The following CDK12 variants were observed in gnomAD, a reference collection of about 807,000 sequenced individuals.
CDK12 encodes cyclin-dependent kinase 12.
A neutral mutation model predicts 133.8 loss-of-function variants in CDK12; 17 were observed. The observed-to-expected ratio is 0.13, with a 90% CI of 0.09 to 0.19. The LOEUF is 0.19. Among genes scored for constraint, CDK12 ranks in the 10% least tolerant of loss-of-function variants. The probability of loss-of-function intolerance (pLI) is 1.00; values close to 1 mark genes in which losing one functional copy is unlikely to be tolerated. For missense variants in CDK12, 1,508 were observed against 1,818.7 expected (o/e 0.83, Z 3.11); for synonymous variants, 694 against 683.6 (o/e 1.02, Z -0.24).
At chr17:39,480,504 C>T (rs760479098) in intron 2 of CDK12, among the ~76,000 whole-genome samples, 3 of 151,760 alleles carry the variant, frequency 2.0e-5, no homozygotes, top group South Asian at 2.1e-4. Context: ...TGCAATGGTG[C>T]GATCTCAGCT....
At chr17:39,520,221 G>GT (rs1263184495) in intron 11 of CDK12, 134 bp downstream of exon 11, 97 of 819,282 alleles carry the variant, frequency 1.2e-4, no homozygotes, top group South Asian at 1.7e-4. Context: ...GTTGAGGTTT[G>GT]TTTTTTTTGT....
intron 3 of CDK12, among the ~76,000 whole-genome samples, chr17:39,563,266 T>C (rs946297617): frequency 1.3e-5 from 2 of 151,854 alleles, no homozygotes; most frequent in Admixed American, 6.6e-5. Flanking sequence ...AGAGTGTGTG[T>C]GTGTAAGCGA....
rs140486011 is a variant in CDK12, at chr17:39,517,442, G to A, written c.2849G>A (p.Arg950Gln). The change falls in exon 10 of 14, where the codon CGA (arginine) becomes CAA (glutamine). Residue 950 changes from arginine to glutamine, a missense_variant and splice_region_variant. Physicochemically the swap from Arg to Gln is conservative, Grantham distance 43. This residue lies in a region of CDK12 where 82 missense variants were observed against 201.5 expected (regional missense o/e 0.41). Transcript: ENST00000447079. Reference sequence around the variant, plus strand: ...TCTTGCTTTTGCTTTGTTTTCAGCCGACTTTGTGGTAGCCCTTGTCCAGCT... The same window carrying A: ...TCTTGCTTTTGCTTTGTTTTCAGCCAACTTTGTGGTAGCCCTTGTCCAGCT... ...LELAQLELIS[R>Q]LCGSPCPAVW... 3 of 1,600,058 alleles carry A rather than the reference G, an allele frequency of 1.9e-6. No homozygotes were observed. The highest frequency in any genetic ancestry group is 2.7e-5 in the African/African-American group (2 of 74,482).
At chr17:39,493,927 C>T (rs1314335948) in intron 4 of CDK12, among the ~76,000 whole-genome samples, 3 of 151,922 alleles carry the variant, frequency 2.0e-5, no homozygotes, top group Admixed American at 6.6e-5. Context: ...ACCTAGTAGG[C>T]GGAGGTTGCA....
intron 2 of CDK12, among the ~76,000 whole-genome samples, chr17:39,477,400 T>C (rs1174413262): frequency 6.7e-6 from 1 of 148,978 alleles, no homozygotes; most frequent in Non-Finnish European, 1.5e-5. Context: ...CATGCCCAGC[T>C]CATTTTTTTG....
rs2054808898 is a variant in CDK12 at position 39,531,043 on chromosome 17, C to T, written c.4200C>T (p.Asp1400=). 6.2e-7 allele frequency: 1 copy of T among 1,613,628 alleles called. No homozygotes were observed. Among genetic ancestry groups the T allele is most frequent in the East Asian group, 2.2e-5 (1 of 44,896 alleles). ...CAGGGTCAGTGCAGTTTCCAGGGGA[C>T]CAGGACCTCCGTTTTGCCAGGGTCC... ...QGTGSVQFPG[D]QDLRFARVPL... is the part of the protein sequence containing the mutation. Residue 1400 remains aspartate (D), a synonymous_variant, in exon 14 of 14, where the codon GAC becomes GAT. Transcript: ENST00000447079.
chr17:39,553,324 G>A lies in CDK12; in HGVS notation n.356+2182G>A, dbSNP rs192425200. 7.9e-5 allele frequency among the ~76,000 whole-genome samples: 12 copies of A among 152,178 alleles called. No homozygotes were observed. In the East Asian group the frequency reaches 1.7e-3, roughly 22 times the overall value. ...CTGTAGCTTCCAAAGCCATGAAGAA[G>A]GGGAAGGAAGGCCAAGACAGGGGTA... On this transcript the variant is annotated intron_variant and non_coding_transcript_variant, in intron 2 of 3. Transcript: ENST00000558240.
intron 1 of CDK12, among the ~76,000 whole-genome samples, chr17:39,469,424 T>C (rs1195887032): frequency 6.6e-6 from 1 of 152,216 alleles, no homozygotes; most frequent in Non-Finnish European, 1.5e-5. Context: ...TTATTTGTTT[T>C]GTAAATCCTA....
chr17:39,492,667 C>T (rs2145873215), intron 3 of CDK12, 84 bp from the exon 4 acceptor site: 4 of 1,018,016 alleles, frequency 3.9e-6, no homozygotes, highest in Non-Finnish European at 2.9e-6. Context: ...CCTCGGCCTC[C>T]CAAAGTGCTG....
At chr17:39,491,615 A>G (rs1567723162) in intron 3 of CDK12, among the ~76,000 whole-genome samples, 2 of 152,084 alleles carry the variant, frequency 1.3e-5, no homozygotes, top group African/African-American at 4.8e-5. Context: ...AGAGTTCAGA[A>G]AGCAAGCAAC....
intron 2 of CDK12, among the ~76,000 whole-genome samples, chr17:39,552,235 C>T (rs953197137): frequency 5.3e-5 from 8 of 152,138 alleles, no homozygotes; most frequent in African/African-American, 1.4e-4. Flanking sequence ...TATCTAGGAC[C>T]CCGTGCCTAC....
At chr17:39,513,945 G>T (rs2053640379) in intron 8 of CDK12, among the ~76,000 whole-genome samples, 1 of 152,232 alleles carries the variant, frequency 6.6e-6, no homozygotes, top group East Asian at 1.9e-4. Context: ...TGAAAACCTA[G>T]TGGTTTTTTT....
chr17:39,495,432 A>C (rs1443340467), intron 5 of CDK12, among the ~76,000 whole-genome samples: 1 of 138,358 alleles, frequency 7.2e-6, no homozygotes. Context: ...ATAATAAGTG[A>C]ATGAATGGAT....
At position 39,461,620 on chromosome 17, in the gene CDK12, A is replaced by T. The variant is rs989619739; in HGVS notation, c.-452A>T. The T allele has an allele frequency of 3.7e-6, 1 of 268,036 alleles. No individual in the cohort carries two copies. The highest frequency in any genetic ancestry group is 2.2e-5 in the African/African-American group (1 of 46,090). 16.6% of individuals were successfully genotyped at this position (268,036 alleles called of 1,614,324 possible). A position where few individuals can be genotyped will look rare whatever the true frequency, so the allele number is the denominator to read the frequency against. ...GGGACAAAGGGGGCGTGAGGCACCTAGGCCGCGGCACCCCGGCGACAGGAA... is the reference window on the plus strand; with the variant it reads ...GGGACAAAGGGGGCGTGAGGCACCTTGGCCGCGGCACCCCGGCGACAGGAA... On this transcript the variant is annotated 5_prime_UTR_variant, in exon 1 of 14. Transcript: ENST00000447079.
intron 1 of CDK12, among the ~76,000 whole-genome samples, chr17:39,539,915 T>A (rs1320046226): frequency 1.3e-5 from 2 of 152,078 alleles, no homozygotes; most frequent in Non-Finnish European, 2.9e-5. Context: ...ACCAGAATGG[T>A]ACAGGAAAGG....
chr17:39,495,400 T>C (rs1300771366), intron 5 of CDK12, among the ~76,000 whole-genome samples: 1 of 148,670 alleles, frequency 6.7e-6, no homozygotes, highest in Admixed American at 6.8e-5. Context: ...TTTTTTTTTT[T>C]TTTTTTTTTT....
At chr17:39,561,406 A>C (rs563745921) in intron 3 of CDK12, among the ~76,000 whole-genome samples, 85 of 152,312 alleles carry the variant, frequency 5.6e-4, no homozygotes, top group African/African-American at 2.0e-3. Context: ...CGTGGTAGAG[A>C]GGGCATGAGC....
In CDK12 at chr17:39,462,898, G is replaced by T. The variant is rs1010017373; in HGVS notation, c.827G>T (p.Ser276Ile). ...PGSTSRRQSV[S>I]PPYKEPSAYQ... is the part of the protein sequence containing the mutation. ...AGTACCTCGAGAAGGCAGTCGGTCAGTCCCCCTTACAAGGAGCCTTCGGCC... is the reference window on the plus strand; with the variant it reads ...AGTACCTCGAGAAGGCAGTCGGTCATTCCCCCTTACAAGGAGCCTTCGGCC... Residue 276 changes from serine to isoleucine, a missense_variant, in exon 1 of 14, where the codon AGT (serine) becomes ATT (isoleucine). Transcript: ENST00000447079. 3 of 1,614,074 alleles carry T rather than the reference G, an allele frequency of 1.9e-6. No individual in the cohort carries two copies. The highest frequency in any genetic ancestry group is 2.5e-6 in the Non-Finnish European group (3 of 1,180,032).
chr17:39,559,231 C>G (rs757083443), intron 3 of CDK12, among the ~76,000 whole-genome samples: 1 of 152,132 alleles, frequency 6.6e-6, no homozygotes, highest in Non-Finnish European at 1.5e-5. Context: ...ACATTTTGCC[C>G]ACTTTCACCG....
Sources: gnomAD v4.1 joint callset for allele counts (sites outside exome capture counted in the v4.1 genomes callset) on GRCh38, gnomAD v4.1.1 for gene constraint, gnomAD v4.1.1 regional missense constraint, MANE v1.5 for transcripts, NCBI Gene and HGNC (gene_info 2026-07-23, HGNC 2026-07-21) for gene names.